The following TNS1 variants were observed in gnomAD, a reference collection of about 807,000 sequenced individuals.
The protein encoded by TNS1 is tensin-1.
In TNS1, 62 loss-of-function variants were observed where a neutral mutation model predicts 168.6. The observed-to-expected ratio is 0.37, with a 90% CI of 0.30 to 0.45. TNS1 has a LOEUF of 0.45. Ranked by LOEUF, TNS1 falls within the 20% of genes least tolerant of loss-of-function variation. The pLI is 1.00. For synonymous variants in TNS1, 934 were observed against 933.2 expected, an observed-to-expected ratio of 1.00 and a Z score of -0.02; for missense variants, 2,240 against 2,339.4, an observed-to-expected ratio of 0.96 and a Z score of 0.88.
chr2:217,980,799 C>A (rs191065853), intron 2 of TNS1, among the ~76,000 whole-genome samples: 177 of 152,254 alleles, frequency 1.2e-3, no homozygotes, highest in African/African-American at 3.8e-3. Flanking sequence ...CCCTGCTCTG[C>A]CAGTTCCCAG....
chr2:217,952,682 C>T (rs1159496610), intron 3 of TNS1, among the ~76,000 whole-genome samples: 1 of 152,176 alleles, frequency 6.6e-6, no homozygotes, highest in East Asian at 1.9e-4. Context: ...CGCTGGTAGG[C>T]TTCAAGGTGG....
intron 3 of TNS1, among the ~76,000 whole-genome samples, chr2:217,926,670 T>C (rs1230803975): frequency 6.6e-6 from 1 of 152,234 alleles, no homozygotes; most frequent in Admixed American, 6.5e-5. Context: ...TGGCAGCAAG[T>C]GTTCATTGCT....
chr2:217,883,664 C>G (rs536847147), intron 16 of TNS1, among the ~76,000 whole-genome samples: 2 of 152,316 alleles, frequency 1.3e-5, no homozygotes, highest in South Asian at 4.1e-4. Context: ...CAACTTCTGC[C>G]CAATCCCTTA....
At chr2:217,826,731 C>T (rs760602960) in intron 22 of TNS1, among the ~76,000 whole-genome samples, 4 of 152,136 alleles carry the variant, frequency 2.6e-5, no homozygotes, top group Admixed American at 1.3e-4. Context: ...TTGGGCAGGG[C>T]GGGAGAGGTG....
At chr2:217,917,171 T>C (rs1955105410) in intron 4 of TNS1, among the ~76,000 whole-genome samples, 1 of 152,028 alleles carries the variant, frequency 6.6e-6, no homozygotes, top group East Asian at 1.9e-4. Flanking sequence ...CCTTCCCCCA[T>C]GGCCCCCCAC....
chr2:217,895,434 G>A (rs571849908), intron 8 of TNS1, among the ~76,000 whole-genome samples: 2 of 152,348 alleles, frequency 1.3e-5, no homozygotes, highest in South Asian at 2.1e-4. Context: ...TTCCGTGAGC[G>A]GATGTCCCGA....
In TNS1 at chr2:217,821,942, G is replaced by T. The variant is rs1428170518; in HGVS notation, c.3374-4C>A. On this transcript the variant is annotated splice_polypyrimidine_tract_variant and splice_region_variant and intron_variant, in intron 22 of 32. Transcript: ENST00000682258. ...GACTCCACATAGCTCCGGGGCTCTG[G>T]AAGGGGCAAGAGGACAGAGACACTG... 3 of 1,578,842 alleles carry T rather than the reference G, an allele frequency of 1.9e-6. No individual in the cohort carries two copies. The highest frequency in any genetic ancestry group is 4.6e-5 in the East Asian group (2 of 43,088).
At chr2:217,956,971 C>T (rs377074829) in intron 3 of TNS1, among the ~76,000 whole-genome samples, 12 of 152,216 alleles carry the variant, frequency 7.9e-5, no homozygotes, top group Admixed American at 2.0e-4. Flanking sequence ...CCTAAGGAGA[C>T]GGGATCAGGG....
intron 1 of TNS1, among the ~76,000 whole-genome samples, chr2:218,031,113 T>G (rs1379113762): frequency 7.4e-6 from 1 of 135,714 alleles, no homozygotes; most frequent in East Asian, 2.5e-4. Context: ...TGTATGAGTG[T>G]GTGTGAGCAT....
intron 1 of TNS1, among the ~76,000 whole-genome samples, chr2:218,008,538 G>T (rs1005645997): frequency 2.6e-5 from 4 of 152,234 alleles, no homozygotes; most frequent in African/African-American, 9.6e-5. Context: ...TGTGGACAGG[G>T]CTCCAGCCCT....
intron 18 of TNS1, among the ~76,000 whole-genome samples, chr2:217,854,485 G>T (rs1375308335): frequency 1.3e-5 from 2 of 152,172 alleles, no homozygotes; most frequent in Non-Finnish European, 2.9e-5. Context: ...TCATTAAAAT[G>T]CATTACCCAG....
chr2:217,946,963 T>TCACACACACACACA (rs1340630921), intron 3 of TNS1, among the ~76,000 whole-genome samples: 4 of 132,454 alleles, frequency 3.0e-5, no homozygotes, highest in African/African-American at 1.5e-4. Flanking sequence ...TCTCTCTCTC[T>TCACACACACACACA]CTCTCTCACA....
chr2:217,858,564 T>G (rs1209689778), intron 18 of TNS1: 2 of 985,696 alleles, frequency 2.0e-6, no homozygotes, highest in South Asian at 4.7e-5. Flanking sequence ...TGCCCCAAGT[T>G]CCCAATAATT....
chr2:217,893,410 A>T (rs773226035), intron 10 of TNS1, 29 bp downstream of exon 10: 7 of 1,570,458 alleles, frequency 4.5e-6, no homozygotes, highest in Non-Finnish European at 5.2e-6. Context: ...GCACACACAC[A>T]CACACACACA....
intron 3 of TNS1, among the ~76,000 whole-genome samples, chr2:217,968,206 T>C (rs1233774753): frequency 2.0e-5 from 3 of 152,236 alleles, no homozygotes; most frequent in African/African-American, 7.2e-5. Flanking sequence ...TGGTGAAATA[T>C]TGGATAGTTT....
chr2:217,810,334 C>G lies in TNS1; in HGVS notation c.5033-15G>C. 1.2e-6 allele frequency: 2 copies of G among 1,613,924 alleles called. No homozygotes were observed. The highest frequency in any genetic ancestry group is 2.2e-5 in the South Asian group (2 of 91,068). ...ATCTGTGGGGTCTAAGACAAAAATTCAGTAGGAATTAAAACCCTAGAGCTG... is the reference window on the plus strand; with the variant it reads ...ATCTGTGGGGTCTAAGACAAAAATTGAGTAGGAATTAAAACCCTAGAGCTG... On this transcript the variant is annotated splice_polypyrimidine_tract_variant and intron_variant, in intron 28 of 32. Coordinates refer to ENST00000682258, the MANE Select transcript of TNS1 (RefSeq NM_001387777.1).
At chr2:217,944,954 A>G (rs1428139246) in intron 3 of TNS1, among the ~76,000 whole-genome samples, 3 of 152,252 alleles carry the variant, frequency 2.0e-5, no homozygotes, top group Non-Finnish European at 4.4e-5. Flanking sequence ...GTTATTTGCT[A>G]CACACCTATC....
intron 3 of TNS1, 71 bp downstream of exon 3, chr2:217,978,694 C>T (rs1957956665): frequency 7.3e-6 from 5 of 685,942 alleles, no homozygotes; most frequent in South Asian, 1.5e-5. Flanking sequence ...CCGGCGCCCC[C>T]GCTCCAATCT....
At chr2:217,962,952 C>A (rs537347728) in intron 3 of TNS1, among the ~76,000 whole-genome samples, 1 of 152,046 alleles carries the variant, frequency 6.6e-6, no homozygotes, top group Non-Finnish European at 1.5e-5. Flanking sequence ...TTTTGATAAC[C>A]GTGCATGGTT....
Sources: allele counts gnomAD v4.1 joint callset (sites outside exome capture counted in the v4.1 genomes callset), GRCh38; gene constraint gnomAD v4.1.1; transcripts MANE v1.5; gene names NCBI Gene and HGNC (gene_info 2026-07-23, HGNC 2026-07-21).